The following PRIMPOL variants were observed in gnomAD, a reference collection of about 807,000 sequenced individuals.
The protein encoded by PRIMPOL is primase and DNA directed polymerase, also known as DNA-directed primase/polymerase protein.
PRIMPOL carries 54 observed loss-of-function variants against 63.6 expected under a neutral mutation model. That is an observed-to-expected ratio of 0.85 (90% confidence interval 0.68 to 1.07). The LOEUF (loss-of-function observed/expected upper bound fraction) is 1.07, where lower values mean the gene tolerates loss of function less well. Among genes scored for constraint, PRIMPOL ranks in the 50% least tolerant of loss-of-function variants. The probability of loss-of-function intolerance (pLI) is 0.00; values close to 1 mark genes in which losing one functional copy is unlikely to be tolerated. For synonymous variants in PRIMPOL, 197 were observed against 220.2 expected (o/e 0.89, Z 0.93); for missense variants, 610 against 648.3 (o/e 0.94, Z 0.64).
chr4:184,671,478 A>C (rs936832644), intron 6 of PRIMPOL, among the ~76,000 whole-genome samples: 1 of 152,082 alleles, frequency 6.6e-6, no homozygotes, highest in East Asian at 1.9e-4. Flanking sequence ...TCTTAAGGGC[A>C]CGAGAGCCCT....
intron 13 of PRIMPOL, among the ~76,000 whole-genome samples, chr4:184,692,345 A>G (rs558267763): frequency 2.6e-5 from 4 of 151,904 alleles, no homozygotes; most frequent in Admixed American, 6.6e-5. Context: ...GTGGTGGCCT[A>G]TGCCTATAAT....
intron 9 of PRIMPOL, 105 bp downstream of exon 9, chr4:184,682,441 C>T (rs1579581856): frequency 3.3e-6 from 2 of 599,112 alleles, no homozygotes; most frequent in South Asian, 4.1e-5. Flanking sequence ...CTCCTCCTCC[C>T]AGGCTCAAGC....
chr4:184,694,471 G>C (rs1268892483), intron 13 of PRIMPOL, 51 bp from the exon 14 acceptor site: 1 of 1,578,982 alleles, frequency 6.3e-7, no homozygotes, highest in Admixed American at 1.8e-5. Context: ...CACATATCCT[G>C]AGTAAATATT....
At chr4:184,678,431 G>T in intron 8 of PRIMPOL, 37 bp downstream of exon 8, 1 of 1,451,876 alleles carries the variant, frequency 6.9e-7, no homozygotes, top group East Asian at 2.5e-5. Context: ...TTGTATTCAT[G>T]AATATTTATT....
intron 5 of PRIMPOL, among the ~76,000 whole-genome samples, chr4:184,663,997 C>T (rs1266294058): frequency 6.6e-6 from 1 of 152,174 alleles, no homozygotes; most frequent in African/African-American, 2.4e-5. Context: ...TGACACATTT[C>T]AATAAGCCCC....
intron 3 of PRIMPOL, among the ~76,000 whole-genome samples, chr4:184,657,839 C>G (rs1328638225): frequency 6.6e-6 from 1 of 151,486 alleles, no homozygotes; most frequent in Non-Finnish European, 1.5e-5. Flanking sequence ...ACTATAAATA[C>G]AAAATTAGCC....
intron 6 of PRIMPOL, among the ~76,000 whole-genome samples, chr4:184,667,219 C>T (rs1005231835): frequency 4.6e-5 from 7 of 152,164 alleles, no homozygotes; most frequent in African/African-American, 1.7e-4. Context: ...CTCAGCTGGA[C>T]GTTCCTTCTC....
chr4:184,693,331 G>A (rs1000425173), intron 13 of PRIMPOL, among the ~76,000 whole-genome samples: 2 of 152,102 alleles, frequency 1.3e-5, no homozygotes, highest in Admixed American at 1.3e-4. Flanking sequence ...TCTGGATTGT[G>A]ATTTAGATAT....
At chr4:184,669,012 G>A (rs1750839946) in intron 6 of PRIMPOL, among the ~76,000 whole-genome samples, 1 of 151,834 alleles carries the variant, frequency 6.6e-6, no homozygotes, top group African/African-American at 2.4e-5. Flanking sequence ...GTAGCGCTTG[G>A]GCCTTTGCAC....
intron 5 of PRIMPOL, among the ~76,000 whole-genome samples, chr4:184,664,067 G>T (rs1431524622): frequency 6.6e-6 from 1 of 152,168 alleles, no homozygotes; most frequent in Non-Finnish European, 1.5e-5. Context: ...ACATTTCAGG[G>T]CAACATTGTC....
At chr4:184,658,084 TG>T (rs60383196) in intron 3 of PRIMPOL, among the ~76,000 whole-genome samples, 1,996 of 110,494 alleles carry the variant, frequency 0.018, 46 homozygotes, top group African/African-American at 0.077. Flanking sequence ...TTTTTTTTTT[TG>T]GGGCACTGTG....
At chr4:184,689,824 A>G (rs1226900852) in intron 11 of PRIMPOL, among the ~76,000 whole-genome samples, 1 of 152,186 alleles carries the variant, frequency 6.6e-6, no homozygotes, top group Non-Finnish European at 1.5e-5. Context: ...GCATGAATGA[A>G]AGGAATGAAG....
intron 6 of PRIMPOL, among the ~76,000 whole-genome samples, chr4:184,667,353 C>G (rs748351257): frequency 1.2e-3 from 188 of 152,054 alleles, no homozygotes; most frequent in Non-Finnish European, 2.3e-3. Flanking sequence ...CTCTGTCGCC[C>G]AGGCTGGAGT....
chr4:184,693,598 T>G (rs1328301185), intron 13 of PRIMPOL, among the ~76,000 whole-genome samples: 2 of 152,208 alleles, frequency 1.3e-5, no homozygotes, highest in African/African-American at 4.8e-5. Context: ...TCTATTGCAC[T>G]GATATTTCAT....
At chr4:184,694,448 T>C (rs1202476871) in intron 13 of PRIMPOL, 74 bp from the exon 14 acceptor site, 1 of 1,531,084 alleles carries the variant, frequency 6.5e-7, no homozygotes, top group South Asian at 1.3e-5. Context: ...CAACATAGAG[T>C]ATAAGGTTAA....
chr4:184,666,138 G>T (rs1039088309), intron 6 of PRIMPOL, 74 bp downstream of exon 6: 2 of 1,207,382 alleles, frequency 1.7e-6, no homozygotes, highest in African/African-American at 3.1e-5. Flanking sequence ...TTAAAATTTT[G>T]TGTGTACTTA....
intron 6 of PRIMPOL, among the ~76,000 whole-genome samples, chr4:184,666,731 C>A (rs1438695291): frequency 6.6e-6 from 1 of 152,192 alleles, no homozygotes; most frequent in Admixed American, 6.5e-5. Context: ...TTTGCTTCGG[C>A]CTTGCTTTGG....
chr4:184,671,083 T>C (rs974779175), intron 6 of PRIMPOL, among the ~76,000 whole-genome samples: 3 of 152,218 alleles, frequency 2.0e-5, no homozygotes, highest in Non-Finnish European at 4.4e-5. Flanking sequence ...AAATAATATG[T>C]CTGAGTTTGA....
intron 11 of PRIMPOL, chr4:184,691,252 C>T: frequency 2.4e-6 from 1 of 412,806 alleles, no homozygotes. Context: ...TTGGTGAGTA[C>T]AGGTTGAGAA....
Sources: allele counts gnomAD v4.1 joint callset (sites outside exome capture counted in the v4.1 genomes callset), GRCh38; gene constraint gnomAD v4.1.1; transcripts MANE v1.5; gene names NCBI Gene and HGNC (gene_info 2026-07-23, HGNC 2026-07-21).